STAT4: variants seen among roughly 807,000 people sequenced by gnomAD.
STAT4 encodes signal transducer and activator of transcription 4.
A neutral mutation model predicts 110.5 loss-of-function variants in STAT4; 42 were observed. That is an observed-to-expected ratio of 0.38 (90% CI 0.30 to 0.49). The LOEUF is 0.49. Among genes scored for constraint, STAT4 ranks in the 20% least tolerant of loss-of-function variants. The pLI is 0.95. For synonymous variants in STAT4, 284 were observed against 302.2 expected (o/e 0.94, Z 0.63); for missense variants, 632 against 887.9 (o/e 0.71, Z 3.66).
Position 191,104,008 on chromosome 2 carries a change from G to A in STAT4, c.274-27683C>T, listed in dbSNP as rs1290465729. Among the ~76,000 whole-genome samples the A allele has an allele frequency of 6.6e-6, 1 of 152,138 alleles. No individual in the cohort carries two copies. The highest frequency in any genetic ancestry group is 1.5e-5 in the Non-Finnish European group (1 of 68,006). On this transcript the variant is annotated intron_variant, in intron 3 of 23. Coordinates refer to ENST00000392320, the MANE Select transcript of STAT4 (RefSeq NM_003151.4). This position sits in a 1 kb window ranked among gnomAD's most constrained non-coding sequence, Gnocchi z 4.3. The stretch of plus-strand genomic sequence containing the variant: ...ATGAGCAACCAAGGTTTGAGACTAT[G>A]AGTAATAGGTTGCTAAGTGTTCTAG...
At chr2:191,079,212 C>A (rs951756955) in intron 3 of STAT4, among the ~76,000 whole-genome samples, 4 of 112,068 alleles carry the variant, frequency 3.6e-5, no homozygotes, top group Non-Finnish European at 2.1e-5. Context: ...TTTCTATATA[C>A]ATTTTAGAAT....
intron 3 of STAT4, among the ~76,000 whole-genome samples, chr2:191,141,103 G>C (rs571983376): frequency 3.3e-5 from 5 of 151,726 alleles, no homozygotes; most frequent in Non-Finnish European, 5.9e-5. Context: ...GGAGCGGGGG[G>C]TGAGGGATAA....
In STAT4 at chr2:191,144,639, G is replaced by A. The variant is rs1402290200; in HGVS notation, c.273+1974C>T. The stretch of plus-strand genomic sequence containing the variant: ...AGTGGCGTAGTGAAATAGAAGTGAT[G>A]GTTTAACAAGGTTCGTCTGATACAA... On this transcript the variant is annotated intron_variant, in intron 3 of 23. Transcript: ENST00000392320. The surrounding 1 kb of genome is among the most constrained non-coding windows in gnomAD (Gnocchi z 4.7). 6.7e-6 allele frequency among the ~76,000 whole-genome samples: 1 copy of A among 149,158 alleles called. No individual in the cohort carries two copies. The highest frequency in any genetic ancestry group is 2.4e-5 in the African/African-American group (1 of 41,354).
At chr2:191,105,830 T>C (rs1430886434) in intron 3 of STAT4, among the ~76,000 whole-genome samples, 2 of 152,222 alleles carry the variant, frequency 1.3e-5, no homozygotes, top group African/African-American at 4.8e-5. Context: ...CATGGACAGT[T>C]AGGTAGTTCC....
At chr2:191,133,526 C>T (rs1699099580) in intron 3 of STAT4, among the ~76,000 whole-genome samples, 2 of 151,506 alleles carry the variant, frequency 1.3e-5, no homozygotes, top group African/African-American at 4.9e-5. Context: ...TGCATATATA[C>T]ATGTATAAGG....
At chr2:191,055,203 T>C (rs1490648398) in intron 13 of STAT4, among the ~76,000 whole-genome samples, 1 of 151,838 alleles carries the variant, frequency 6.6e-6, no homozygotes, top group Non-Finnish European at 1.5e-5. Context: ...TTTTTCTTTT[T>C]TTTCTTTTTT....
Position 191,113,284 on chromosome 2 carries a change from C to T in STAT4, c.273+33329G>A, listed in dbSNP as rs1038496616. ...ATCTCACTGCTGTGAGTAATCACAC[C>T]GAACAAGCATTATCTCTCCTATTTT... is the stretch of plus-strand genomic sequence containing the variant. On this transcript the variant is annotated intron_variant, in intron 3 of 23. Coordinates refer to ENST00000392320, the MANE Select transcript of STAT4 (RefSeq NM_003151.4). The surrounding 1 kb of genome is among the most constrained non-coding windows in gnomAD (Gnocchi z 4.8). 6.6e-6 allele frequency among the ~76,000 whole-genome samples: 1 copy of T among 152,178 alleles called. No individual in the cohort carries two copies. The highest frequency in any genetic ancestry group is 2.4e-5 in the African/African-American group (1 of 41,438).
At chr2:191,148,494 G>A (rs969066542) in intron 1 of STAT4, among the ~76,000 whole-genome samples, 1 of 151,960 alleles carries the variant, frequency 6.6e-6, no homozygotes, top group Non-Finnish European at 1.5e-5. Flanking sequence ...GCCCACAGCT[G>A]TCTATGTGAA....
chr2:191,065,603 G>A (rs1202462070), intron 7 of STAT4, among the ~76,000 whole-genome samples: 1 of 152,126 alleles, frequency 6.6e-6, no homozygotes, highest in African/African-American at 2.4e-5. Context: ...AGTAGAATAA[G>A]ATGTCATGCA....
chr2:191,069,818 T>C, intron 5 of STAT4, 47 bp from the exon 6 acceptor site: 3 of 1,452,322 alleles, frequency 2.1e-6, no homozygotes, highest in Non-Finnish European at 2.8e-6. Context: ...CAATTAAGCA[T>C]GTCAATCAAA....
Position 191,142,048 on chromosome 2 carries a change from G to T in STAT4, c.273+4565C>A, listed in dbSNP as rs980898830. Among the ~76,000 whole-genome samples the T allele has an allele frequency of 6.6e-6, 1 of 152,000 alleles. No homozygotes were observed. Among genetic ancestry groups the T allele is most frequent in the Non-Finnish European group, 1.5e-5 (1 of 67,994 alleles). On this transcript the variant is annotated intron_variant, in intron 3 of 23. Transcript: ENST00000392320. The surrounding 1 kb of genome is among the most constrained non-coding windows in gnomAD (Gnocchi z 4.1). ...AAAACTAAAAATATAACTACTATAG[G>T]CTCCAGCAATCCCACTACTAGGTAT...
At chr2:191,105,248 T>C (rs1357540986) in intron 3 of STAT4, among the ~76,000 whole-genome samples, 1 of 152,172 alleles carries the variant, frequency 6.6e-6, no homozygotes, top group Non-Finnish European at 1.5e-5. Flanking sequence ...ACTCTCGACA[T>C]GGCAGCCAGG....
chr2:191,033,398 A>G lies in STAT4; in HGVS notation c.1852+92T>C. 7.0e-7 allele frequency: 1 copy of G among 1,424,900 alleles called. No homozygotes were observed. Among genetic ancestry groups the G allele is most frequent in the Non-Finnish European group, 9.5e-7 (1 of 1,055,994 alleles). The allele number at this position is 1,424,900 out of a possible 1,614,324, so 88.3% of individuals were successfully genotyped here. ...AGCCCACTGAATACATCACAGACAG[A>G]TCAACACACCATACACTTCCAAAAA... On this transcript the variant is annotated intron_variant, in intron 20 of 23. Transcript: ENST00000392320. This position sits in a 1 kb window ranked among gnomAD's most constrained non-coding sequence, Gnocchi z 6.9.
chr2:191,142,075 T>C lies in STAT4; in HGVS notation c.273+4538A>G, dbSNP rs1191954104. 1.4e-4 allele frequency among the ~76,000 whole-genome samples: 21 copies of C among 152,148 alleles called. No homozygotes were observed. The highest frequency in any genetic ancestry group is 1.9e-4 in the East Asian group (1 of 5,204). On this transcript the variant is annotated intron_variant, in intron 3 of 23. Coordinates refer to ENST00000392320, the MANE Select transcript of STAT4 (RefSeq NM_003151.4). The surrounding 1 kb of genome is among the most constrained non-coding windows in gnomAD (Gnocchi z 4.1). Reference sequence around the variant, plus strand: ...TCCAGCAATCCCACTACTAGGTATTTATCCAAAGGAAAAAAAATTAGAATA... The same window carrying C: ...TCCAGCAATCCCACTACTAGGTATTCATCCAAAGGAAAAAAAATTAGAATA...
At chr2:191,094,998 A>C (rs1276699981) in intron 3 of STAT4, among the ~76,000 whole-genome samples, 2 of 151,956 alleles carry the variant, frequency 1.3e-5, no homozygotes, top group African/African-American at 4.8e-5. Context: ...AGATCAAAAG[A>C]GACAAAGAAG....
At chr2:191,036,475 C>T (rs1238631028) in intron 16 of STAT4, among the ~76,000 whole-genome samples, 176 bp from the exon 17 acceptor site, 1 of 152,132 alleles carries the variant, frequency 6.6e-6, no homozygotes, top group Admixed American at 6.6e-5. Flanking sequence ...TTGGTCACAG[C>T]TGGTGCCAGG....
At chr2:191,074,313 G>C (rs936811424) in intron 4 of STAT4, among the ~76,000 whole-genome samples, 1 of 152,200 alleles carries the variant, frequency 6.6e-6, no homozygotes, top group Non-Finnish European at 1.5e-5. Flanking sequence ...ATTCAGTGCA[G>C]TAACCTCAAG....
chr2:191,034,962 A>G (rs1304633637), intron 17 of STAT4, among the ~76,000 whole-genome samples: 1 of 152,250 alleles, frequency 6.6e-6, no homozygotes, highest in Non-Finnish European at 1.5e-5. Context: ...CGTTGGAGAC[A>G]GGAAGAGCTG....
At chr2:191,080,186 CCACAATGCTTTTTAT>C (rs2125279314) in intron 3 of STAT4, among the ~76,000 whole-genome samples, 1 of 152,142 alleles carries the variant, frequency 6.6e-6, no homozygotes, top group East Asian at 1.9e-4. Flanking sequence ...ACAAAGTATA[CCACAATGCTTTTTAT>C]CACTTAGAAT....
Sources: allele counts gnomAD v4.1 joint callset (sites outside exome capture counted in the v4.1 genomes callset), GRCh38; gene constraint gnomAD v4.1.1; non-coding constraint Gnocchi (gnomAD v3.1); transcripts MANE v1.5; gene names NCBI Gene and HGNC (gene_info 2026-07-23, HGNC 2026-07-21).